The following PIEZO2 variants were observed in gnomAD, a reference collection of about 807,000 sequenced individuals.
The protein encoded by PIEZO2 is piezo-type mechanosensitive ion channel component 2.
A neutral mutation model predicts 337.3 loss-of-function variants in PIEZO2; 172 were observed. The ratio of observed to expected loss-of-function variants is 0.51; its 90% CI spans 0.45 to 0.58. The LOEUF is 0.58. PIEZO2 is among the 20% of genes least tolerant of loss of function. PIEZO2 has a pLI of 0.00. For missense variants in PIEZO2, 3,028 were observed against 3,391.3 expected (o/e 0.89, Z 2.66); for synonymous variants, 1,251 against 1,228.5 (o/e 1.02, Z -0.38).
rs530609847 is a variant in PIEZO2, at chr18:10,688,805, C to T, written c.7497+850G>A. On this transcript the variant is annotated intron_variant, in intron 49 of 55. Coordinates refer to ENST00000674853, the MANE Select transcript of PIEZO2 (RefSeq NM_001378183.1). The stretch of plus-strand genomic sequence containing the variant: ...TCCAGACGCTTTGGCACCCTAGTTG[C>T]TACCCTCAATGTTCCTTCGATAGAG... 1.7e-3 allele frequency among the ~76,000 whole-genome samples: 266 copies of T among 152,248 alleles called. 4 individuals carry two copies. The highest frequency in any genetic ancestry group is 6.1e-3 in the African/African-American group (254 of 41,536).
In PIEZO2 at chr18:10,828,134, G is replaced by GT. The variant is rs1463830384; in HGVS notation, c.918-20861dup. On this transcript the variant is annotated intron_variant, in intron 7 of 55. Coordinates refer to ENST00000674853, the MANE Select transcript of PIEZO2 (RefSeq NM_001378183.1). This position sits in a 1 kb window ranked among gnomAD's most constrained non-coding sequence, Gnocchi z 4.1. ...CATGACGGTTTTTTTTTGTTTGTTT[G>GT]TTTTTGTTTTTTTTTTTTTTTACAG... Among the ~76,000 whole-genome samples the GT allele has an allele frequency of 4.4e-5, 4 of 90,768 alleles. No individual in the cohort carries two copies. Among genetic ancestry groups the GT allele is most frequent in the African/African-American group, 1.6e-4 (3 of 18,206 alleles). The allele number at this position is 90,768 out of a possible 152,430, so 59.5% of individuals were successfully genotyped here.
At position 10,899,119 on chromosome 18, in the gene PIEZO2, T is replaced by C. The variant is rs1199782910; in HGVS notation, c.329+12067A>G. Reference sequence around the variant, plus strand: ...GACTAGCAAAGGGAAGCATGGGCTCTATAGTTAAAAAGACCTAACTGCCTT... The same window carrying C: ...GACTAGCAAAGGGAAGCATGGGCTCCATAGTTAAAAAGACCTAACTGCCTT... On this transcript the variant is annotated intron_variant, in intron 4 of 55. Coordinates refer to ENST00000674853, the MANE Select transcript of PIEZO2 (RefSeq NM_001378183.1). This position sits in a 1 kb window ranked among gnomAD's most constrained non-coding sequence, Gnocchi z 4.6. Among the ~76,000 whole-genome samples, 1 of 152,230 alleles carries C rather than the reference T, an allele frequency of 6.6e-6. No homozygotes were observed. Among genetic ancestry groups the C allele is most frequent in the East Asian group, 1.9e-4 (1 of 5,194 alleles).
intron 47 of PIEZO2, among the ~76,000 whole-genome samples, chr18:10,691,782 C>CATATATATATAT (rs33977962): frequency 3.8e-4 from 37 of 96,512 alleles, no homozygotes; most frequent in African/African-American, 1.5e-3. Flanking sequence ...CACACACACA[C>CATATATATATAT]ATATATATAT....
chr18:10,753,761 G>A (rs1270839536), intron 27 of PIEZO2, among the ~76,000 whole-genome samples: 1 of 152,190 alleles, frequency 6.6e-6, no homozygotes. Flanking sequence ...AGCATTATTA[G>A]GGGGATGAGT....
chr18:10,791,232 G>T lies in PIEZO2; in HGVS notation c.1851C>A (p.Val617=). 2.0e-6 allele frequency: 3 copies of T among 1,535,798 alleles called. No individual in the cohort carries two copies. The South Asian group carries it at 3.6e-5, about 18-fold the overall frequency. Reference sequence around the variant, plus strand: ...CTTCATTTTCCTGACTGCCAATTTTGACTTCCGATAAAAGAGCTTCCTTTT... The same window carrying T: ...CTTCATTTTCCTGACTGCCAATTTTTACTTCCGATAAAAGAGCTTCCTTTT... ...LQEKEALLSE[V]KIGSQENEEK... is the part of the protein sequence containing the mutation. The change falls in exon 14 of 56, where the codon GTC becomes GTA. Residue 617 remains valine (V), a synonymous_variant. Transcript: ENST00000674853.
chr18:11,106,264 T>G (rs2039557811), intron 1 of PIEZO2, among the ~76,000 whole-genome samples: 1 of 134,734 alleles, frequency 7.4e-6, no homozygotes, highest in South Asian at 2.3e-4. Flanking sequence ...TTTTTTGTAT[T>G]TTTTTTTTTT....
chr18:10,753,684 G>A (rs1035574787), intron 27 of PIEZO2, among the ~76,000 whole-genome samples: 1 of 152,160 alleles, frequency 6.6e-6, no homozygotes, highest in Non-Finnish European at 1.5e-5. Flanking sequence ...TTGATTAATG[G>A]GTTCTTGTTC....
intron 18 of PIEZO2, among the ~76,000 whole-genome samples, chr18:10,774,813 G>T (rs1048313293): frequency 5.9e-5 from 9 of 152,168 alleles, no homozygotes; most frequent in African/African-American, 2.2e-4. Flanking sequence ...AGTTAATCCA[G>T]AAATTTTTAG....
intron 13 of PIEZO2, among the ~76,000 whole-genome samples, chr18:10,792,640 T>C (rs549713645): frequency 1.3e-5 from 2 of 152,360 alleles, no homozygotes; most frequent in Admixed American, 6.5e-5. Context: ...TAATACTCCA[T>C]TGTATGGCCA....
At chr18:10,723,727 G>C (rs550384489) in intron 36 of PIEZO2, among the ~76,000 whole-genome samples, 239 of 152,256 alleles carry the variant, frequency 1.6e-3, no homozygotes, top group African/African-American at 5.2e-3. Context: ...AACAGAGTTG[G>C]GGTGAGCGCC....
At chr18:10,977,940 C>A (rs980939906) in intron 3 of PIEZO2, among the ~76,000 whole-genome samples, 2 of 152,088 alleles carry the variant, frequency 1.3e-5, no homozygotes, top group African/African-American at 4.8e-5. Flanking sequence ...AATAATTATT[C>A]ATGGGCATGG....
intron 2 of PIEZO2, among the ~76,000 whole-genome samples, chr18:11,058,538 A>G (rs2037814131): frequency 6.6e-6 from 1 of 152,186 alleles, no homozygotes; most frequent in African/African-American, 2.4e-5. Flanking sequence ...AAAAAATTAG[A>G]CGAAAGGCTA....
intron 1 of PIEZO2, among the ~76,000 whole-genome samples, chr18:11,118,255 C>A (rs1221337134): frequency 6.6e-6 from 1 of 152,224 alleles, no homozygotes; most frequent in Non-Finnish European, 1.5e-5. Flanking sequence ...ATGACCTTGA[C>A]TTCCACACAA....
rs541226756 is a variant in PIEZO2, at chr18:10,977,888, T to C, written c.286+1647A>G. 1.5e-3 allele frequency among the ~76,000 whole-genome samples: 226 copies of C among 152,196 alleles called. 1 individual carries two copies. Among genetic ancestry groups the C allele is most frequent in the African/African-American group, 5.1e-3 (210 of 41,532 alleles). On this transcript the variant is annotated intron_variant, in intron 3 of 55. Transcript: ENST00000674853. ...AGACAAATCTAATACAGACAGAAAG[T>C]AGGTTAGTGGTTGCCTAGAGATGGC... is the stretch of plus-strand genomic sequence containing the variant.
At chr18:10,684,694 G>A (rs1302410927) in intron 49 of PIEZO2, among the ~76,000 whole-genome samples, 1 of 150,072 alleles carries the variant, frequency 6.7e-6, no homozygotes, top group Non-Finnish European at 1.5e-5. Context: ...TTGAACTCCT[G>A]ACTTCAAGTG....
At position 10,690,034 on chromosome 18, in the gene PIEZO2, A is replaced by G. The variant is rs534016921; in HGVS notation, c.7350-232T>C. 6.6e-5 allele frequency among the ~76,000 whole-genome samples: 10 copies of G among 152,262 alleles called. No individual in the cohort carries two copies. In the South Asian group the frequency reaches 2.1e-3, roughly 32 times the overall value. On this transcript the variant is annotated intron_variant, in intron 48 of 55. Transcript: ENST00000674853. ...TCCTTTTCTCTGATGATCATAACCA[A>G]CTGGGATCTCCCTTTTAAATAAGTG...
At chr18:10,731,378 C>T in intron 36 of PIEZO2, 29 bp downstream of exon 36, 1 of 1,482,108 alleles carries the variant, frequency 6.7e-7, no homozygotes, top group South Asian at 1.2e-5. Context: ...CCTGCCACAC[C>T]CACCACAGCC....
Position 11,110,957 on chromosome 18 carries a change from G to A in PIEZO2, c.64+37568C>T, listed in dbSNP as rs772818708. ...GCAAGCTCCCCTCCATGTGGTCTGC[G>A]TCAGAGTCCACCATGAGAGCCACTG... On this transcript the variant is annotated intron_variant, in intron 1 of 55. Transcript: ENST00000674853. This position sits in a 1 kb window ranked among gnomAD's most constrained non-coding sequence, Gnocchi z 4.2. Among the ~76,000 whole-genome samples the A allele has an allele frequency of 2.6e-5, 4 of 152,178 alleles. No individual in the cohort carries two copies. Among genetic ancestry groups the A allele is most frequent in the Admixed American group, 6.5e-5 (1 of 15,278 alleles).
chr18:11,013,722 C>T (rs952143996), intron 2 of PIEZO2, among the ~76,000 whole-genome samples: 7 of 152,058 alleles, frequency 4.6e-5, no homozygotes, highest in African/African-American at 7.2e-5. Flanking sequence ...ATTTAGAGTC[C>T]ACCTGGATGG....
Sources: allele counts gnomAD v4.1 joint callset (sites outside exome capture counted in the v4.1 genomes callset), GRCh38; gene constraint gnomAD v4.1.1; non-coding constraint Gnocchi (gnomAD v3.1); transcripts MANE v1.5; gene names NCBI Gene and HGNC (gene_info 2026-07-23, HGNC 2026-07-21).